Variants in TLK2 observed in about 807,000 individuals in gnomAD.
TLK2 encodes the protein serine/threonine-protein kinase tousled-like 2.
Under a neutral mutation model 117.3 loss-of-function variants are expected in TLK2, and 6 were observed. That is an observed-to-expected ratio of 0.05 (90% CI 0.03 to 0.10). The LOEUF (loss-of-function observed/expected upper bound fraction) is 0.10, where lower values mean the gene tolerates loss of function less well. Among genes scored for constraint, TLK2 ranks in the 10% least tolerant of loss-of-function variants. The pLI, the probability that TLK2 is intolerant of heterozygous loss-of-function variation, is 1.00. For synonymous variants in TLK2, 257 were observed against 316.7 expected, an observed-to-expected ratio of 0.81 and a Z score of 2.00; for missense variants, 299 against 901.2, an observed-to-expected ratio of 0.33 and a Z score of 8.56.
chr17:62,549,120 G>A (rs1176160676), intron 7 of TLK2, among the ~76,000 whole-genome samples: 2 of 148,354 alleles, frequency 1.3e-5, no homozygotes, highest in South Asian at 4.4e-4. Flanking sequence ...AGGGCCGGGC[G>A]CGGTGGCTCA....
In TLK2 at chr17:62,529,083, T is replaced by C. The variant is rs549973967; in HGVS notation, c.363+4752T>C. ...TGTTTAAATCTTAGGTATTTTTATT[T>C]TTGGCTGTTCTATCAATTATTAAGA... On this transcript the variant is annotated intron_variant, in intron 6 of 21. Coordinates refer to ENST00000346027, the MANE Select transcript of TLK2 (RefSeq NM_006852.6). Among the ~76,000 whole-genome samples, 414 of 152,332 alleles carry C rather than the reference T, an allele frequency of 2.7e-3. 1 individual carries two copies. The highest frequency in any genetic ancestry group is 9.2e-3 in the African/African-American group (384 of 41,590).
chr17:62,503,057 T>C (rs2074343165), intron 2 of TLK2, among the ~76,000 whole-genome samples: 1 of 141,262 alleles, frequency 7.1e-6, no homozygotes, highest in Non-Finnish European at 1.5e-5. Flanking sequence ...CTTAACTTTT[T>C]TTTTTTTTTT....
intron 14 of TLK2, among the ~76,000 whole-genome samples, chr17:62,579,769 T>C (rs2081074637): frequency 6.6e-6 from 1 of 152,184 alleles, no homozygotes; most frequent in Non-Finnish European, 1.5e-5. Flanking sequence ...CTTGAATAGT[T>C]TGGAGGAGCC....
intron 12 of TLK2, among the ~76,000 whole-genome samples, chr17:62,574,791 C>T (rs192235024): frequency 3.9e-5 from 6 of 152,284 alleles, no homozygotes; most frequent in Admixed American, 3.9e-4. Context: ...GCTGGGATTA[C>T]AGGTGCGAGC....
chr17:62,535,798 A>G (rs2077071706), intron 6 of TLK2, among the ~76,000 whole-genome samples: 2 of 151,152 alleles, frequency 1.3e-5, no homozygotes, highest in South Asian at 4.5e-4. Context: ...AAAAGAAAAA[A>G]GAAAAAAAAG....
chr17:62,487,536 G>A (rs1311012550), intron 2 of TLK2, among the ~76,000 whole-genome samples: 14 of 145,788 alleles, frequency 9.6e-5, no homozygotes, highest in Admixed American at 7.5e-4. Flanking sequence ...AAAAAAAAAA[G>A]TAAGTCAGCA....
intron 16 of TLK2, among the ~76,000 whole-genome samples, chr17:62,586,512 A>C (rs1483934335): frequency 6.6e-6 from 1 of 152,096 alleles, no homozygotes; most frequent in African/African-American, 2.4e-5. Flanking sequence ...TAGCTATAGT[A>C]AATAAAGCCT....
chr17:62,524,064 C>T (rs1392257603), intron 5 of TLK2, among the ~76,000 whole-genome samples, 172 bp from the exon 6 acceptor site: 1 of 151,552 alleles, frequency 6.6e-6, no homozygotes, highest in Non-Finnish European at 1.5e-5. Context: ...TTAAAAATCT[C>T]ATTAAAAATT....
At chr17:62,598,826 A>G (rs2082672257) in intron 17 of TLK2, among the ~76,000 whole-genome samples, 1 of 152,174 alleles carries the variant, frequency 6.6e-6, no homozygotes, top group African/African-American at 2.4e-5. Flanking sequence ...CCTGGCTGAA[A>G]GTGAGGCTTT....
intron 2 of TLK2, among the ~76,000 whole-genome samples, chr17:62,500,587 A>G (rs1210659489): frequency 6.6e-6 from 1 of 152,218 alleles, no homozygotes; most frequent in Non-Finnish European, 1.5e-5. Flanking sequence ...AAAAATCAGT[A>G]AGGTTATAGA....
intron 2 of TLK2, among the ~76,000 whole-genome samples, chr17:62,491,061 TTG>T (rs2073062863): frequency 6.6e-6 from 1 of 152,214 alleles, no homozygotes. Context: ...AGTTCTGGTC[TTG>T]TGTCTCTGGA....
chr17:62,586,797 G>A (rs1163626805), intron 16 of TLK2, among the ~76,000 whole-genome samples: 1 of 151,678 alleles, frequency 6.6e-6, no homozygotes, highest in Non-Finnish European at 1.5e-5. Context: ...CTCCAGCCTG[G>A]GTGATGGTGC....
intron 2 of TLK2, among the ~76,000 whole-genome samples, chr17:62,490,956 A>G (rs113252994): frequency 1.3e-5 from 2 of 152,052 alleles, no homozygotes; most frequent in Admixed American, 6.6e-5. Flanking sequence ...GGCTGGCCTC[A>G]AACTCCTGGG....
In TLK2 at chr17:62,561,541, C is replaced by T. The variant is rs185311953; in HGVS notation, c.831+1415C>T. The stretch of plus-strand genomic sequence containing the variant: ...TCTTAGAAGTTTTAAGAAGACAGTA[C>T]TTCCTAATGACAATATTACAAGAAC... On this transcript the variant is annotated intron_variant, in intron 10 of 21. Transcript: ENST00000346027. 1.5e-3 allele frequency among the ~76,000 whole-genome samples: 230 copies of T among 152,296 alleles called. 1 individual carries two copies. The highest frequency in any genetic ancestry group is 4.0e-4 in the Non-Finnish European group (27 of 68,024).
intron 9 of TLK2, 30 bp downstream of exon 9, chr17:62,553,785 G>A (rs1210061342): frequency 3.7e-6 from 5 of 1,343,582 alleles, no homozygotes; most frequent in South Asian, 1.2e-5. Context: ...AGATTTTATA[G>A]CAAGCACCAT....
chr17:62,558,299 A>C (rs917052427), intron 9 of TLK2, among the ~76,000 whole-genome samples: 4 of 152,086 alleles, frequency 2.6e-5, no homozygotes, highest in African/African-American at 7.2e-5. Context: ...AACAGCTGGC[A>C]TCAGAGGCGC....
Position 62,598,600 on chromosome 17 carries a change from C to T in TLK2, c.1550+1926C>T, listed in dbSNP as rs2082651565. ...AGTTCAGTGGTGCGATCTTGGCTCA[C>T]TGCAACCTCCACCTCCCAGGTTCAA... On this transcript the variant is annotated intron_variant, in intron 17 of 21. Transcript: ENST00000346027. Among the ~76,000 whole-genome samples, 2 of 151,914 alleles carry T rather than the reference C, an allele frequency of 1.3e-5. 1 individual carries two copies. Among genetic ancestry groups the T allele is most frequent in the South Asian group, 4.1e-4 (2 of 4,820 alleles).
intron 2 of TLK2, among the ~76,000 whole-genome samples, chr17:62,506,548 C>T (rs186638990): frequency 1.9e-4 from 29 of 152,132 alleles, no homozygotes; most frequent in African/African-American, 6.5e-4. Flanking sequence ...AAGTAATAGT[C>T]TGTTCACAAC....
intron 2 of TLK2, among the ~76,000 whole-genome samples, chr17:62,486,067 A>T (rs1287387633): frequency 4.0e-5 from 6 of 151,556 alleles, no homozygotes; most frequent in Admixed American, 3.9e-4. Flanking sequence ...TGATCTGCCC[A>T]CCTTGGCCTC....
Sources: gnomAD v4.1 joint callset for allele counts (sites outside exome capture counted in the v4.1 genomes callset) on GRCh38, gnomAD v4.1.1 for gene constraint, MANE v1.5 for transcripts, NCBI Gene and HGNC (gene_info 2026-07-23, HGNC 2026-07-21) for gene names.